Variants in SP140L observed in about 807,000 individuals in gnomAD.
The protein encoded by SP140L is nuclear body protein SP140-like protein.
In SP140L, 64 loss-of-function variants were observed where a neutral mutation model predicts 84.3. That is an observed-to-expected ratio of 0.76 (90% CI 0.62 to 0.94). The LOEUF (loss-of-function observed/expected upper bound fraction) is 0.94. SP140L is among the 40% of genes least tolerant of loss of function. The pLI is 0.00. For missense variants in SP140L, 628 were observed against 692.5 expected (o/e 0.91, Z 1.05); for synonymous variants, 242 against 236.9 (o/e 1.02, Z -0.20).
At chr2:230,333,246 C>A (rs1014355493) in intron 2 of SP140L, among the ~76,000 whole-genome samples, 1 of 151,854 alleles carries the variant, frequency 6.6e-6, no homozygotes, top group Non-Finnish European at 1.5e-5. Flanking sequence ...GCAACCTCCA[C>A]CTCCCAGGTT....
intron 15 of SP140L, 165 bp from the exon 16 acceptor site, chr2:230,400,790 G>C (rs758735113): frequency 1.3e-6 from 2 of 1,506,628 alleles, no homozygotes; most frequent in South Asian, 2.5e-5. Context: ...GGAAAGGCCA[G>C]TGGCTGGAGA....
At chr2:230,331,281 CTTA>C (rs1329552005) in intron 2 of SP140L, among the ~76,000 whole-genome samples, 2 of 152,072 alleles carry the variant, frequency 1.3e-5, no homozygotes, top group Admixed American at 6.6e-5. Context: ...TTTTTAATCT[CTTA>C]TTATGCCTAA....
intron 7 of SP140L, among the ~76,000 whole-genome samples, chr2:230,378,162 T>C (rs147383132): frequency 6.6e-6 from 1 of 152,306 alleles, no homozygotes; most frequent in Admixed American, 6.5e-5. Context: ...TTTTTTCTGT[T>C]CCATTTATCT....
chr2:230,360,081 T>C (rs2060669639), intron 4 of SP140L, among the ~76,000 whole-genome samples: 1 of 152,236 alleles, frequency 6.6e-6, no homozygotes, highest in Non-Finnish European at 1.5e-5. Context: ...TTTACTTGCC[T>C]GGAAAACTTT....
In SP140L at chr2:230,359,025, G is replaced by A; in HGVS notation, c.332G>A (p.Ser111Asn). Reference sequence around the variant, plus strand: ...CAAAGAGTGGTGTACAATGTTCTCAGTGAACTGGAGAAGACATTTAACCTG... The same window carrying A: ...CAAAGAGTGGTGTACAATGTTCTCAATGAACTGGAGAAGACATTTAACCTG... ...PVQRVVYNVL[S>N]ELEKTFNLSV... The change falls in exon 4 of 19, where the codon AGT becomes AAT. Residue 111 changes from serine (S) to asparagine (N), a missense_variant. Ser to Asn is a conservative substitution (Grantham distance 46). This residue lies in a region of SP140L where 525 missense variants were observed against 518.4 expected (regional missense o/e 1.01). Transcript: ENST00000415673. The A allele has an allele frequency of 6.2e-7, 1 of 1,613,548 alleles. No homozygotes were observed. Among genetic ancestry groups the A allele is most frequent in the South Asian group, 1.1e-5 (1 of 91,026 alleles).
intron 5 of SP140L, among the ~76,000 whole-genome samples, chr2:230,367,230 C>T (rs2060909197): frequency 6.6e-6 from 1 of 151,332 alleles, no homozygotes; most frequent in South Asian, 2.1e-4. Context: ...AAACTCTGTA[C>T]TGTACTTTTA....
chr2:230,400,835 T>C, intron 15 of SP140L, 120 bp from the exon 16 acceptor site: 1 of 1,577,016 alleles, frequency 6.3e-7, no homozygotes, highest in Non-Finnish European at 8.6e-7. Context: ...CTGGGAGGTG[T>C]TCCCCTCCCT....
rs532808746 is a variant in SP140L, at chr2:230,390,714, C to G, written c.964+691C>G. The stretch of plus-strand genomic sequence containing the variant: ...ACATTTTCATTGTGACTTTTTTTAA[C>G]AGCTTAACTGAAATACAGTTCATGT... On this transcript the variant is annotated intron_variant, in intron 11 of 18. Coordinates refer to ENST00000415673, the MANE Select transcript of SP140L (RefSeq NM_138402.6). Among the ~76,000 whole-genome samples, 116 of 152,104 alleles carry G rather than the reference C, an allele frequency of 7.6e-4. 2 individuals carry two copies. The South Asian group carries it at 0.023, about 31-fold the overall frequency.
intron 2 of SP140L, among the ~76,000 whole-genome samples, chr2:230,339,069 T>A (rs1459391553): frequency 7.1e-6 from 1 of 141,526 alleles, no homozygotes; most frequent in Non-Finnish European, 1.5e-5. Flanking sequence ...TCAGAAGGAA[T>A]GGTACCAGTT....
At chr2:230,390,889 C>T (rs931018779) in intron 11 of SP140L, among the ~76,000 whole-genome samples, 3 of 152,168 alleles carry the variant, frequency 2.0e-5, no homozygotes, top group Non-Finnish European at 2.9e-5. Flanking sequence ...TGCCCATTCC[C>T]ACCTCACCCC....
Position 230,395,880 on chromosome 2 carries a change from A to G in SP140L, c.1156-877A>G, listed in dbSNP as rs530968543. On this transcript the variant is annotated intron_variant, in intron 13 of 18. Coordinates refer to ENST00000415673, the MANE Select transcript of SP140L (RefSeq NM_138402.6). ...GTCAACCTGACATCTTGTGATTTGG[A>G]TAGAAGGGAGAGCAGGAGACTCTCA... Among the ~76,000 whole-genome samples the G allele has an allele frequency of 3.3e-5, 5 of 152,322 alleles. No individual in the cohort carries two copies. The South Asian group carries it at 1.0e-3, about 32-fold the overall frequency.
At chr2:230,367,295 C>CTTTTTTTTTTTTTT (rs200306286) in intron 5 of SP140L, among the ~76,000 whole-genome samples, 7 of 118,046 alleles carry the variant, frequency 5.9e-5, no homozygotes, top group Non-Finnish European at 6.8e-5. Flanking sequence ...TCTTTTTTTT[C>CTTTTTTTTTTTTTT]TTTTTTTTTT....
At chr2:230,399,260 TATC>T (rs1181790130) in intron 14 of SP140L, among the ~76,000 whole-genome samples, 2 of 152,266 alleles carry the variant, frequency 1.3e-5, no homozygotes, top group Non-Finnish European at 2.9e-5. Context: ...ATGCAAATAC[TATC>T]ATATTTTAAT....
At chr2:230,379,694 T>C (rs1264245230) in intron 7 of SP140L, among the ~76,000 whole-genome samples, 1 of 152,204 alleles carries the variant, frequency 6.6e-6, no homozygotes, top group Non-Finnish European at 1.5e-5. Context: ...AAATTTGTCT[T>C]TCTTTTGATA....
At chr2:230,340,622 GCTGGTA>G (rs2060011545) in intron 2 of SP140L, among the ~76,000 whole-genome samples, 1 of 138,428 alleles carries the variant, frequency 7.2e-6, no homozygotes, top group Non-Finnish European at 1.6e-5. Flanking sequence ...TTTTGCAGCG[GCTGGTA>G]CCGGTTGTTC....
At chr2:230,340,284 G>T (rs964166158) in intron 2 of SP140L, among the ~76,000 whole-genome samples, 2 of 147,898 alleles carry the variant, frequency 1.4e-5, no homozygotes, top group African/African-American at 5.0e-5. Context: ...TTGGTTTAAA[G>T]TCTGTTTTAT....
At chr2:230,397,455 G>A (rs914195706) in intron 14 of SP140L, among the ~76,000 whole-genome samples, 1 of 152,148 alleles carries the variant, frequency 6.6e-6, no homozygotes, top group African/African-American at 2.4e-5. Context: ...TAACTCAACT[G>A]CTTATCTGGT....
rs1412727262 is a variant in SP140L at position 230,375,773 on chromosome 2, ATTGAG to A, written c.637+4125_637+4129del. 3.3e-5 allele frequency among the ~76,000 whole-genome samples: 5 copies of A among 152,164 alleles called. No individual in the cohort carries two copies. The South Asian group carries it at 6.2e-4, about 19-fold the overall frequency. ...ACATGATTTTGTTTTGTTTTTTGCT[ATTGAG>A]TTATGTGAGTTCCTTATATATTCTG... is the stretch of plus-strand genomic sequence containing the variant. On this transcript the variant is annotated intron_variant, in intron 7 of 18. Coordinates refer to ENST00000415673, the MANE Select transcript of SP140L (RefSeq NM_138402.6).
intron 2 of SP140L, among the ~76,000 whole-genome samples, chr2:230,330,891 G>A (rs573740506): frequency 3.9e-5 from 6 of 152,048 alleles, no homozygotes; most frequent in African/African-American, 4.8e-5. Context: ...TCTCCATCCC[G>A]CCCAGGATGC....
Sources: allele counts gnomAD v4.1 joint callset (sites outside exome capture counted in the v4.1 genomes callset), GRCh38; gene constraint gnomAD v4.1.1; regional missense constraint gnomAD v4.1.1; transcripts MANE v1.5; gene names NCBI Gene and HGNC (gene_info 2026-07-23, HGNC 2026-07-21).